Variants in ITGAL observed in about 807,000 individuals in gnomAD.
ITGAL encodes integrin subunit alpha L.
In ITGAL, 68 loss-of-function variants were observed where a neutral mutation model predicts 138.4. That is an observed-to-expected ratio of 0.49 (90% CI 0.40 to 0.60). The LOEUF is 0.60. Among genes scored for constraint, ITGAL ranks in the 20% least tolerant of loss-of-function variants. ITGAL has a pLI of 0.00. For missense variants in ITGAL, 1,256 were observed against 1,478.6 expected, an observed-to-expected ratio of 0.85 and a Z score of 2.47; for synonymous variants, 561 against 584.3, an observed-to-expected ratio of 0.96 and a Z score of 0.57.
intron 9 of ITGAL, among the ~76,000 whole-genome samples, chr16:30,484,933 A>C (rs900133632): frequency 6.6e-6 from 1 of 151,710 alleles, no homozygotes; most frequent in African/African-American, 2.4e-5. Context: ...AAACAAAACA[A>C]AACAAAAAAA....
In ITGAL at chr16:30,513,804, C is replaced by T; in HGVS notation, c.2820C>T (p.Thr940=). Residue 940 remains threonine, a synonymous_variant, in exon 25 of 31, where the codon ACC becomes ACT. Coordinates refer to ENST00000356798, the MANE Select transcript of ITGAL (RefSeq NM_002209.3). ...ACTCCACACTCTATGTCAGTTTCAC[C>T]CCCAAAGGCCCCAAGATCCACCAAG... ...QEDSTLYVSF[T]PKGPKIHQVK... is the part of the protein sequence containing the mutation. 1 of 1,613,770 alleles carries T rather than the reference C, an allele frequency of 6.2e-7. No individual in the cohort carries two copies. The highest frequency in any genetic ancestry group is 8.5e-7 in the Non-Finnish European group (1 of 1,179,724).
At chr16:30,520,688 T>C (rs569139674) in intron 30 of ITGAL, among the ~76,000 whole-genome samples, 4 of 152,272 alleles carry the variant, frequency 2.6e-5, no homozygotes, top group South Asian at 4.1e-4. Context: ...AGGGCCTGTG[T>C]GGCCTGGGGC....
At chr16:30,489,439 C>T (rs962131841) in intron 11 of ITGAL, 53 bp downstream of exon 11, 9 of 1,587,836 alleles carry the variant, frequency 5.7e-6, no homozygotes, top group South Asian at 5.6e-5. Flanking sequence ...GTCAGATGGT[C>T]GCTCAGCCTG....
At chr16:30,480,985 AG>A (rs1397733636) in intron 6 of ITGAL, 1 of 174,444 alleles carries the variant, frequency 5.7e-6, no homozygotes, top group Non-Finnish European at 1.2e-5. Flanking sequence ...AGACAGAACA[AG>A]ACCCTGTTTT....
chr16:30,476,494 T>C (rs2050474136), intron 4 of ITGAL, among the ~76,000 whole-genome samples: 1 of 152,214 alleles, frequency 6.6e-6, no homozygotes. Context: ...ATCAAATTTA[T>C]AATTTCTTAC....
chr16:30,487,126 G>C (rs1203158671), intron 9 of ITGAL, among the ~76,000 whole-genome samples: 2 of 137,072 alleles, frequency 1.5e-5, no homozygotes, highest in Admixed American at 1.6e-4. Context: ...CTGGGCGACA[G>C]AGTGAGACTC....
At chr16:30,514,696 C>T (rs1443610118) in intron 25 of ITGAL, among the ~76,000 whole-genome samples, 1 of 151,668 alleles carries the variant, frequency 6.6e-6, no homozygotes, top group East Asian at 1.9e-4. Context: ...AGTACTAGGA[C>T]TACAGGCATG....
chr16:30,500,690 C>T (rs2050882162), intron 17 of ITGAL, among the ~76,000 whole-genome samples: 1 of 152,090 alleles, frequency 6.6e-6, no homozygotes, highest in Admixed American at 6.6e-5. Flanking sequence ...GCTAGGACTA[C>T]AGGCATGCAC....
chr16:30,484,016 A>G lies in ITGAL; in HGVS notation c.855+57A>G, dbSNP rs2050598906. ...TTCCCTCTCCTCTTTCTGAACCCCA[A>G]GCCCCTTTCTCCCTGGGGCCAGACT... On this transcript the variant is annotated intron_variant, in intron 8 of 30. Coordinates refer to ENST00000356798, the MANE Select transcript of ITGAL (RefSeq NM_002209.3). The G allele has an allele frequency of 1.9e-6, 3 of 1,597,004 alleles. No individual in the cohort carries two copies. In the Admixed American group the frequency reaches 5.1e-5, roughly 27 times the overall value.
Position 30,504,170 on chromosome 16 carries a change from C to A in ITGAL, c.2146-5C>A. 1 of 1,606,734 alleles carries A rather than the reference C, an allele frequency of 6.2e-7. No homozygotes were observed. The highest frequency in any genetic ancestry group is 8.5e-7 in the Non-Finnish European group (1 of 1,173,366). On this transcript the variant is annotated splice_polypyrimidine_tract_variant and splice_region_variant and intron_variant, in intron 17 of 30. Coordinates refer to ENST00000356798, the MANE Select transcript of ITGAL (RefSeq NM_002209.3). Reference sequence around the variant, plus strand: ...TGACATAGGCTGTATTCTTATCACCCTCAGGTATGTGTTCAAGACCTCATC... The same window carrying A: ...TGACATAGGCTGTATTCTTATCACCATCAGGTATGTGTTCAAGACCTCATC...
intron 17 of ITGAL, among the ~76,000 whole-genome samples, chr16:30,499,733 A>ATTTTTT (rs1193634387): frequency 1.1e-4 from 10 of 88,356 alleles, no homozygotes; most frequent in African/African-American, 6.0e-4. Context: ...ATATATATAT[A>ATTTTTT]TTTTTTTTTT....
chr16:30,481,950 G>A (rs1053488113), intron 7 of ITGAL, among the ~76,000 whole-genome samples: 15 of 152,012 alleles, frequency 9.9e-5, no homozygotes, highest in Non-Finnish European at 1.9e-4. Flanking sequence ...GTAGTGCAAT[G>A]GCATGATCTC....
Position 30,506,822 on chromosome 16 carries a change from C to T in ITGAL, c.2474C>T (p.Pro825Leu), listed in dbSNP as rs143575422. The T allele has an allele frequency of 1.5e-4, 249 of 1,613,928 alleles. 1 individual carries two copies. The Middle Eastern group carries it at 3.0e-3, about 19-fold the overall frequency. The change falls in exon 21 of 31, where the codon CCG becomes CTG. Residue 825 changes from proline to leucine, a missense_variant. Physicochemically the swap from Pro to Leu is moderately conservative, Grantham distance 98. Transcript: ENST00000356798. ...GTCCAGCTGGACCTGCACTTCCCCC[C>T]GGGACTCTCCTTCCGCAAGGTGGAG... ...YWVQLDLHFPPGLSFRKVEML... is the reference protein window; with the variant it reads ...YWVQLDLHFPLGLSFRKVEML...
chr16:30,521,267 C>A (rs1299664250), intron 30 of ITGAL, among the ~76,000 whole-genome samples: 1 of 151,550 alleles, frequency 6.6e-6, no homozygotes, highest in Non-Finnish European at 1.5e-5. Context: ...ATTAGCCGGG[C>A]GTGGTGGCAG....
chr16:30,520,469 G>A (rs1020671249), intron 30 of ITGAL, among the ~76,000 whole-genome samples: 2 of 152,108 alleles, frequency 1.3e-5, no homozygotes, highest in East Asian at 1.9e-4. Flanking sequence ...ACTTTTCCAC[G>A]GTCATTCAGC....
intron 18 of ITGAL, 162 bp from the exon 19 acceptor site, chr16:30,505,082 C>A (rs1323182688): frequency 3.9e-6 from 2 of 513,760 alleles, no homozygotes; most frequent in African/African-American, 1.9e-5. Flanking sequence ...TAGGCTGAGG[C>A]AGCAGAGTGG....
chr16:30,475,288 G>A lies in ITGAL; in HGVS notation c.165-18G>A, dbSNP rs370783909. 6.0e-5 allele frequency: 96 copies of A among 1,593,572 alleles called. No homozygotes were observed. The African/African-American group carries it at 1.2e-3, about 20-fold the overall frequency. The stretch of plus-strand genomic sequence containing the variant: ...CAGATCTGGGCCACTCCCTCTCACA[G>A]GTGAGATTTCTCACCAGGGTCATCG... On this transcript the variant is annotated intron_variant, in intron 2 of 30. Coordinates refer to ENST00000356798, the MANE Select transcript of ITGAL (RefSeq NM_002209.3).
chr16:30,512,245 G>A (rs768095662), intron 24 of ITGAL, among the ~76,000 whole-genome samples: 2 of 152,042 alleles, frequency 1.3e-5, no homozygotes, highest in African/African-American at 2.4e-5. Context: ...AGTTATGTCC[G>A]TTTTTTGCTA....
Position 30,474,305 on chromosome 16 carries a change from T to C in ITGAL, c.164+7T>C, listed in dbSNP as rs893462839. 27 of 1,590,208 alleles carry C rather than the reference T, an allele frequency of 1.7e-5. No homozygotes were observed. Among genetic ancestry groups the C allele is most frequent in the Non-Finnish European group, 2.2e-5 (26 of 1,166,064 alleles). On this transcript the variant is annotated splice_region_variant and intron_variant, in intron 2 of 30. Transcript: ENST00000356798. ...TCCTGCAGGTCGGAAACGGGTGAGC[T>C]GTGCCCCACAAGTCCTCCTCCTGAT...
Sources: gnomAD v4.1 joint callset for allele counts (sites outside exome capture counted in the v4.1 genomes callset) on GRCh38, gnomAD v4.1.1 for gene constraint, MANE v1.5 for transcripts, NCBI Gene and HGNC (gene_info 2026-07-23, HGNC 2026-07-21) for gene names.